The following CCNH variants were observed in gnomAD, a reference collection of about 807,000 sequenced individuals.
The protein encoded by CCNH is cyclin-H.
CCNH carries 31 observed loss-of-function variants against 41.9 expected under a neutral mutation model. The observed-to-expected ratio is 0.74, with a 90% CI of 0.56 to 1.00. CCNH has a LOEUF of 1.00. Ranked by LOEUF, CCNH falls within the 50% of genes least tolerant of loss-of-function variation. The pLI is 0.00. For synonymous variants in CCNH, 138 were observed against 136.1 expected (o/e 1.01, Z -0.10); for missense variants, 362 against 388.4 (o/e 0.93, Z 0.57).
downstream of CCNH, chr5:87,392,430 C>T (rs1267792889): frequency 9.0e-6 from 4 of 445,838 alleles, no homozygotes; most frequent in South Asian, 1.6e-5. Flanking sequence ...TTGAAATCAG[C>T]TCAATTCATT....
Position 87,394,338 on chromosome 5 carries a change from T to C in CCNH, c.*108A>G. 1 of 1,438,882 alleles carries C rather than the reference T, an allele frequency of 6.9e-7. No individual in the cohort carries two copies. Among genetic ancestry groups the C allele is most frequent in the Non-Finnish European group, 9.2e-7 (1 of 1,087,970 alleles). The allele number at this position is 1,438,882 out of a possible 1,614,324, so 89.1% of individuals were successfully genotyped here. ...AAGGGAAAGAAAACAATAGAAAAGTTTTAATATATTTTATGTTTTCACATT... is the reference window on the plus strand; with the variant it reads ...AAGGGAAAGAAAACAATAGAAAAGTCTTAATATATTTTATGTTTTCACATT... On this transcript the variant is annotated 3_prime_UTR_variant, in exon 9 of 9. Transcript: ENST00000256897.
chr5:87,375,243 A>G (rs190710392), downstream of CCNH, among the ~76,000 whole-genome samples: 3 of 151,836 alleles, frequency 2.0e-5, no homozygotes, highest in Non-Finnish European at 2.9e-5. Flanking sequence ...CCTTCTTTCT[A>G]CTTTTTAGGT....
intron 9 of CCNH, among the ~76,000 whole-genome samples, chr5:87,347,379 G>T (rs1000119777): frequency 3.3e-5 from 5 of 151,896 alleles, no homozygotes; most frequent in Non-Finnish European, 7.4e-5. Context: ...TAACCATCCT[G>T]TCATTGTTTA....
At chr5:87,323,473 A>T (rs1756980892) in intron 9 of CCNH, among the ~76,000 whole-genome samples, 1 of 152,174 alleles carries the variant, frequency 6.6e-6, no homozygotes, top group Admixed American at 6.5e-5. Flanking sequence ...CTGATACCAG[A>T]TGAAAGGACA....
chr5:87,322,874 C>T (rs567912879), intron 9 of CCNH, among the ~76,000 whole-genome samples: 1 of 152,148 alleles, frequency 6.6e-6, no homozygotes, highest in Non-Finnish European at 1.5e-5. Context: ...CAGGTCTGGA[C>T]ACTAGGAAGG....
intron 9 of CCNH, among the ~76,000 whole-genome samples, chr5:87,319,204 T>A (rs1227044788): frequency 6.6e-6 from 1 of 152,190 alleles, no homozygotes; most frequent in African/African-American, 2.4e-5. Context: ...TGCCTGCAAC[T>A]TTTGCAGGCA....
chr5:87,390,872 G>T (rs144524710), downstream of CCNH: 70 of 1,611,422 alleles, frequency 4.3e-5, no homozygotes, highest in Non-Finnish European at 5.5e-5. Context: ...AAAAACCAAT[G>T]ATGTCAGGTA....
chr5:87,329,728 C>T (rs1757475439), intron 9 of CCNH, among the ~76,000 whole-genome samples: 3 of 152,002 alleles, frequency 2.0e-5, no homozygotes, highest in Non-Finnish European at 2.9e-5. Flanking sequence ...TAAATCTGCT[C>T]TCTGGGATAG....
chr5:87,351,332 T>G (rs751813531), intron 9 of CCNH, among the ~76,000 whole-genome samples: 90 of 151,724 alleles, frequency 5.9e-4, no homozygotes, highest in Non-Finnish European at 8.9e-4. Context: ...TCAGGTTTAT[T>G]AGAAAAGAAA....
At chr5:87,338,392 C>T (rs935549835) in intron 9 of CCNH, among the ~76,000 whole-genome samples, 18 of 149,512 alleles carry the variant, frequency 1.2e-4, no homozygotes, top group African/African-American at 3.9e-4. Flanking sequence ...AGTGCAGTGG[C>T]GTGATCTCGG....
chr5:87,387,433 G>A (rs1335604988), downstream of CCNH, among the ~76,000 whole-genome samples: 1 of 152,220 alleles, frequency 6.6e-6, no homozygotes, highest in African/African-American at 2.4e-5. Context: ...ACGAATGAGG[G>A]TATTTTATAA....
At chr5:87,333,970 T>C (rs1334304975) in intron 9 of CCNH, among the ~76,000 whole-genome samples, 1 of 152,184 alleles carries the variant, frequency 6.6e-6, no homozygotes, top group African/African-American at 2.4e-5. Flanking sequence ...TTTATGAATT[T>C]AGGTAATTTT....
At chr5:87,316,405 G>GT (rs1756343467), downstream of CCNH, among the ~76,000 whole-genome samples, 1 of 152,174 alleles carries the variant, frequency 6.6e-6, no homozygotes, top group South Asian at 2.1e-4. Flanking sequence ...CGATTCCCAG[G>GT]TTATCAGTAG....
Position 87,399,469 on chromosome 5 carries a change from C to G in CCNH, c.797G>C (p.Arg266Thr). The G allele has an allele frequency of 6.2e-7, 1 of 1,613,772 alleles. No homozygotes were observed. Among genetic ancestry groups the G allele is most frequent in the East Asian group, 2.2e-5 (1 of 44,884 alleles). ...TTTCAGAACAGCAACTTCTTCAGAT[C>G]TGGGTGGTTCATACTTCTTTACTAA... ...RNLVKKYEPP[R>T]SEEVAVLKQK... Residue 266 changes from arginine (R) to threonine (T), a missense_variant, in exon 7 of 9, where the codon AGA (arginine) becomes ACA (threonine). Transcript: ENST00000256897.
chr5:87,412,459 A>T, intron 1 of CCNH: 1 of 1,404,706 alleles, frequency 7.1e-7, no homozygotes. Flanking sequence ...CGTTACAAAG[A>T]CTGGTTACTT....
At chr5:87,319,552 T>C (rs2112330388) in intron 9 of CCNH, among the ~76,000 whole-genome samples, 1 of 152,318 alleles carries the variant, frequency 6.6e-6, no homozygotes, top group East Asian at 1.9e-4. Flanking sequence ...GCCCGAGTTG[T>C]ACATTGGCCC....
At chr5:87,391,239 T>C, downstream of CCNH, 1 of 416,462 alleles carries the variant, frequency 2.4e-6, no homozygotes, top group Non-Finnish European at 4.4e-6. Flanking sequence ...TGCTGTCTCT[T>C]AGAGAAAGAA....
At chr5:87,373,300 C>T (rs376151897), downstream of CCNH, among the ~76,000 whole-genome samples, 15 of 152,130 alleles carry the variant, frequency 9.9e-5, no homozygotes, top group South Asian at 2.5e-3. Flanking sequence ...ATAGCATTCA[C>T]ATTGTATTAG....
chr5:87,377,021 C>T, exon 1 of CCNH: 1 of 1,613,684 alleles, frequency 6.2e-7, no homozygotes, highest in Non-Finnish European at 8.5e-7. Flanking sequence ...CACTAAATGA[C>T]AGAGAAATAA....
Sources: allele counts gnomAD v4.1 joint callset (sites outside exome capture counted in the v4.1 genomes callset), GRCh38; gene constraint gnomAD v4.1.1; transcripts MANE v1.5; gene names NCBI Gene and HGNC (gene_info 2026-07-23, HGNC 2026-07-21).